Variants in PAPPA2 observed in about 807,000 individuals in gnomAD.
The protein encoded by PAPPA2 is pappalysin 2, also known as pappalysin-2.
In PAPPA2, 86 loss-of-function variants were observed where a neutral mutation model predicts 176.4. That is an observed-to-expected ratio of 0.49 (90% CI 0.41 to 0.58). The LOEUF (loss-of-function observed/expected upper bound fraction) is 0.58, where lower values mean the gene tolerates loss of function less well. Ranked by LOEUF, PAPPA2 falls within the 20% of genes least tolerant of loss-of-function variation. The pLI, the probability that PAPPA2 is intolerant of heterozygous loss-of-function variation, is 0.00. For synonymous variants in PAPPA2, 809 were observed against 852.2 expected (o/e 0.95, Z 0.88); for missense variants, 2,073 against 2,256.9 (o/e 0.92, Z 1.65).
rs151127332 is a variant in PAPPA2, at chr1:176,822,653, C to T, written c.5203-17520C>T. 2.5e-3 allele frequency among the ~76,000 whole-genome samples: 388 copies of T among 152,284 alleles called. 3 individuals carry two copies. The highest frequency in any genetic ancestry group is 8.9e-3 in the African/African-American group (372 of 41,576). On this transcript the variant is annotated intron_variant, in intron 21 of 22. Transcript: ENST00000367662. ...TTTTGTAAACTGCAAGGATCTCCTA[C>T]GTGTTGATTTAATCCAATTGAAGGT...
At chr1:176,768,248 C>G (rs894845586) in intron 15 of PAPPA2, among the ~76,000 whole-genome samples, 11 of 151,990 alleles carry the variant, frequency 7.2e-5, no homozygotes, top group African/African-American at 2.7e-4. Flanking sequence ...TCCCCCTGTA[C>G]TGCTGGGAAG....
At chr1:176,616,504 G>A (rs1655267102) in intron 3 of PAPPA2, 1 of 973,472 alleles carries the variant, frequency 1.0e-6, no homozygotes, top group Non-Finnish European at 1.6e-6. Flanking sequence ...TAACAACCAG[G>A]TTCTTCACAA....
At chr1:176,739,346 G>C (rs1157677110) in intron 12 of PAPPA2, among the ~76,000 whole-genome samples, 1 of 152,050 alleles carries the variant, frequency 6.6e-6, no homozygotes, top group Non-Finnish European at 1.5e-5. Flanking sequence ...GAAATTTAAA[G>C]AAAGACAGGG....
chr1:176,640,366 C>T (rs1186547282), intron 3 of PAPPA2, among the ~76,000 whole-genome samples: 1 of 130,908 alleles, frequency 7.6e-6, no homozygotes, highest in African/African-American at 2.8e-5. Context: ...CAACAGTCCC[C>T]AGAGTGTGAT....
chr1:176,535,969 C>T (rs1198425526), intron 1 of PAPPA2, among the ~76,000 whole-genome samples: 1 of 152,106 alleles, frequency 6.6e-6, no homozygotes, highest in Non-Finnish European at 1.5e-5. Context: ...TTTTTTAGAA[C>T]CTCACACTGT....
intron 1 of PAPPA2, among the ~76,000 whole-genome samples, chr1:176,528,368 A>G (rs1649608231): frequency 6.6e-6 from 1 of 152,236 alleles, no homozygotes; most frequent in Non-Finnish European, 1.5e-5. Context: ...ATCCAGAGCT[A>G]GATTTAATTT....
chr1:176,672,012 G>A (rs1267545154), intron 4 of PAPPA2, among the ~76,000 whole-genome samples: 2 of 151,090 alleles, frequency 1.3e-5, no homozygotes, highest in African/African-American at 4.9e-5. Context: ...GTATACATAT[G>A]TAACTAACCT....
chr1:176,605,120 A>T (rs1046573673), intron 3 of PAPPA2, among the ~76,000 whole-genome samples: 2 of 152,188 alleles, frequency 1.3e-5, no homozygotes, highest in Admixed American at 1.3e-4. Flanking sequence ...TAAAAATCTG[A>T]AACATGGGGT....
Position 176,638,933 on chromosome 1 carries a change from CAT to C in PAPPA2, c.1992-32036_1992-32035del, listed in dbSNP as rs1491234056. ...ACTGTGGTGTGTGTGTGTGCATGTG[CAT>C]GTGCGTGTGTGTGTGTGTGTGTGTG... On this transcript the variant is annotated intron_variant, in intron 3 of 22. Coordinates refer to ENST00000367662, the MANE Select transcript of PAPPA2 (RefSeq NM_020318.3). Among the ~76,000 whole-genome samples, 16 of 127,408 alleles carry C rather than the reference CAT, an allele frequency of 1.3e-4. No homozygotes were observed. The Middle Eastern group carries it at 0.012, about 93-fold the overall frequency. The allele number at this position is 127,408 out of a possible 152,430, so 83.6% of individuals were successfully genotyped here.
chr1:176,464,675 G>A (rs958414515), intron 1 of PAPPA2, among the ~76,000 whole-genome samples: 1 of 152,202 alleles, frequency 6.6e-6, no homozygotes, highest in African/African-American at 2.4e-5. Flanking sequence ...TACCCCAGGT[G>A]CTGGACATGG....
chr1:176,838,636 T>C (rs1031344612), intron 21 of PAPPA2, among the ~76,000 whole-genome samples: 31 of 152,260 alleles, frequency 2.0e-4, no homozygotes, highest in African/African-American at 7.2e-4. Context: ...GTTCGGGACC[T>C]GAGTCTTGAT....
At chr1:176,596,099 C>T (rs191232338) in intron 3 of PAPPA2, among the ~76,000 whole-genome samples, 1 of 152,344 alleles carries the variant, frequency 6.6e-6, no homozygotes, top group Admixed American at 6.5e-5. Context: ...TTTCGTGTTA[C>T]ATCTCGCCAC....
rs1419814885 is a variant in PAPPA2, at chr1:176,534,552, A to G, written c.-916-20855A>G. Among the ~76,000 whole-genome samples the G allele has an allele frequency of 2.0e-5, 3 of 152,234 alleles. No homozygotes were observed. In the East Asian group the frequency reaches 5.8e-4, roughly 29 times the overall value. On this transcript the variant is annotated intron_variant, in intron 1 of 22. Transcript: ENST00000367662. ...TAATGAACACATTTGAAGATATTTG[A>G]TAACAGATAGAATAGGCTCACAACT... is the stretch of plus-strand genomic sequence containing the variant.
At chr1:176,554,318 G>A (rs955646972) in intron 1 of PAPPA2, among the ~76,000 whole-genome samples, 2 of 152,214 alleles carry the variant, frequency 1.3e-5, no homozygotes, top group Non-Finnish European at 2.9e-5. Context: ...CTTTAAAAGT[G>A]TAAGTGATTT....
chr1:176,599,094 A>G (rs1654144495), intron 3 of PAPPA2, among the ~76,000 whole-genome samples: 1 of 151,944 alleles, frequency 6.6e-6, no homozygotes, highest in East Asian at 1.9e-4. Flanking sequence ...GAAATTCATT[A>G]ATTACTTCTA....
chr1:176,507,774 G>A (rs1205849415), intron 1 of PAPPA2, among the ~76,000 whole-genome samples: 1 of 150,344 alleles, frequency 6.7e-6, no homozygotes, highest in African/African-American at 2.4e-5. Context: ...AGACATTGTG[G>A]ACTACTAGAG....
At chr1:176,794,936 G>A (rs1163174743) in intron 20 of PAPPA2, among the ~76,000 whole-genome samples, 1 of 152,198 alleles carries the variant, frequency 6.6e-6, no homozygotes, top group Non-Finnish European at 1.5e-5. Context: ...AAGGATGCCA[G>A]ACCAATCTAT....
At chr1:176,820,384 G>C (rs1666609537) in intron 21 of PAPPA2, among the ~76,000 whole-genome samples, 1 of 152,142 alleles carries the variant, frequency 6.6e-6, no homozygotes, top group Admixed American at 6.5e-5. Flanking sequence ...ATTCTAGCCT[G>C]CAACATACTT....
intron 21 of PAPPA2, among the ~76,000 whole-genome samples, chr1:176,824,917 T>C (rs1315558890): frequency 6.6e-6 from 1 of 152,212 alleles, no homozygotes; most frequent in Non-Finnish European, 1.5e-5. Flanking sequence ...TAGAACTGCT[T>C]GTGACCCTGA....
Sources: gnomAD v4.1 joint callset for allele counts (sites outside exome capture counted in the v4.1 genomes callset) on GRCh38, gnomAD v4.1.1 for gene constraint, MANE v1.5 for transcripts, NCBI Gene and HGNC (gene_info 2026-07-23, HGNC 2026-07-21) for gene names.